Variants in PRR12 observed in about 807,000 individuals in gnomAD.
The protein encoded by PRR12 is proline-rich protein 12.
PRR12 carries 12 observed loss-of-function variants against 138.0 expected under a neutral mutation model. The ratio of observed to expected loss-of-function variants is 0.09; its 90% confidence interval spans 0.06 to 0.14. PRR12 has a LOEUF of 0.14. PRR12 is among the 10% of genes least tolerant of loss of function. The pLI is 1.00. For missense variants in PRR12, 2,692 were observed against 2,861.3 expected, an observed-to-expected ratio of 0.94 and a Z score of 1.35; for synonymous variants, 1,567 against 1,291.7, an observed-to-expected ratio of 1.21 and a Z score of -4.57.
rs2080772747 is a variant in PRR12 at position 49,596,760 on chromosome 19, G to T, written c.2425G>T (p.Ala809Ser). 2 of 1,603,000 alleles carry T rather than the reference G, an allele frequency of 1.2e-6. No homozygotes were observed. The highest frequency in any genetic ancestry group is 2.2e-5 in the East Asian group (1 of 44,790). The change falls in exon 4 of 14, where the codon GCC becomes TCC. Residue 809 changes from alanine (A) to serine (S), a missense_variant. Ala to Ser is a moderately conservative substitution (Grantham distance 99, BLOSUM62 1). Around this residue, in one of 11 missense-constraint regions of PRR12, gnomAD observed 840 missense variants for 689.8 expected, o/e 1.22. Transcript: ENST00000418929. This position sits in a 1 kb window ranked among gnomAD's most constrained non-coding sequence, Gnocchi z 5.6. Reference sequence around the variant, plus strand: ...GCTGCTCCCCTCGGTCCTCAGCCATGCCCCCAGTCCCTCTCCCAGCGCCTC... The same window carrying T: ...GCTGCTCCCCTCGGTCCTCAGCCATTCCCCCAGTCCCTCTCCCAGCGCCTC... ...PQLLPSVLSH[A>S]PSPSPSASKV...
intron 6 of PRR12, among the ~76,000 whole-genome samples, chr19:49,608,943 C>T (rs1176039156): frequency 6.6e-6 from 1 of 152,156 alleles, no homozygotes; most frequent in Admixed American, 6.6e-5. Flanking sequence ...ATTCTCCTTC[C>T]CCCGTCTGTC....
At chr19:49,608,409 C>T (rs1194281473) in intron 6 of PRR12, among the ~76,000 whole-genome samples, 10 of 152,042 alleles carry the variant, frequency 6.6e-5, no homozygotes, top group Admixed American at 6.6e-4. Context: ...ATGACGCGAT[C>T]TCTGCTCACT....
intron 11 of PRR12, among the ~76,000 whole-genome samples, chr19:49,624,612 T>A (rs1007596024): frequency 6.6e-6 from 1 of 151,584 alleles, no homozygotes; most frequent in African/African-American, 2.4e-5. Context: ...AGGATGGGGC[T>A]GGGAATTCTG....
Position 49,601,524 on chromosome 19 carries a change from C to A in PRR12, c.4379C>A (p.Thr1460Asn). 6.5e-7 allele frequency: 1 copy of A among 1,534,550 alleles called. No homozygotes were observed. Among genetic ancestry groups the A allele is most frequent in the Non-Finnish European group, 8.8e-7 (1 of 1,134,678 alleles). Residue 1460 changes from threonine to asparagine, a missense_variant, in exon 6 of 14, where the codon ACT (threonine) becomes AAT (asparagine). By Grantham distance (65) the Thr-to-Asn change is moderately conservative. Around this residue, in one of 11 missense-constraint regions of PRR12, gnomAD observed 231 missense variants for 200.8 expected, o/e 1.15. Coordinates refer to ENST00000418929, the MANE Select transcript of PRR12 (RefSeq NM_020719.3). ...CTGCTGGAGGAGAAACCCCCACCCACTCCACCTCCTGCCCCGACTCCTCAG... is the reference window on the plus strand; with the variant it reads ...CTGCTGGAGGAGAAACCCCCACCCAATCCACCTCCTGCCCCGACTCCTCAG... Reference protein sequence around the residue: ...PPLLEEKPPPTPPPAPTPQPQ... With the variant: ...PPLLEEKPPPNPPPAPTPQPQ...
chr19:49,621,020 T>TG (rs1385678188), intron 10 of PRR12, among the ~76,000 whole-genome samples: 29 of 40,900 alleles, frequency 7.1e-4, no homozygotes, highest in East Asian at 1.4e-3. Flanking sequence ...GAGGAGGGGC[T>TG]GGGGTCTGGA....
Position 49,619,535 on chromosome 19 carries a change from CTTTTTTTT to C in PRR12, c.5498-801_5498-794del, listed in dbSNP as rs760207958. On this transcript the variant is annotated intron_variant, in intron 9 of 13. Transcript: ENST00000418929. ...CAGGTGTGAGCCACCATGCCCAGCCCTTTTTTTTTTTTTTTTTTTTTTTGAGACGGAGT... is the reference window on the plus strand; with the variant it reads ...CAGGTGTGAGCCACCATGCCCAGCCCTTTTTTTTTTTTTTTGAGACGGAGT... Among the ~76,000 whole-genome samples, 5 of 67,148 alleles carry C rather than the reference CTTTTTTTT, an allele frequency of 7.4e-5. No homozygotes were observed. The East Asian group carries it at 1.9e-3, about 25-fold the overall frequency. The allele number at this position is 67,148 out of a possible 152,430, so 44.1% of individuals were successfully genotyped here.
rs943176955 is a variant in PRR12, at chr19:49,595,888, C to T, written c.1553C>T (p.Ala518Val). ...CAGGGCGAGCCATACCCAGGGCCAG[C>T]CGCCCACTCCCAGGGGCTGCCCACA... ...GVQGEPYPGPAAHSQGLPTAS... is the reference protein window; with the variant it reads ...GVQGEPYPGPVAHSQGLPTAS... Residue 518 changes from alanine to valine, a missense_variant, in exon 4 of 14, where the codon GCC becomes GTC. Physicochemically the swap from Ala to Val is moderately conservative, Grantham distance 64. Transcript: ENST00000418929. 1.2e-6 allele frequency: 2 copies of T among 1,603,192 alleles called. No homozygotes were observed. Among genetic ancestry groups the T allele is most frequent in the Non-Finnish European group, 1.7e-6 (2 of 1,179,484 alleles).
At chr19:49,609,214 C>G (rs904283317) in intron 6 of PRR12, among the ~76,000 whole-genome samples, 1 of 152,162 alleles carries the variant, frequency 6.6e-6, no homozygotes, top group Non-Finnish European at 1.5e-5. Flanking sequence ...ACCCTAGAGG[C>G]TGATCACCGG....
rs561812797 is a variant in PRR12, at chr19:49,597,378, C to A, written c.3043C>A (p.Pro1015Thr). ...GGGCCTGGGCCTGGACCCCAACAAA[C>A]CGCCTGAACTGCCCTCCACGGTCAA... ...TPGLGLDPNK[P>T]PELPSTVNAE... Residue 1015 changes from proline (P) to threonine (T), a missense_variant, in exon 4 of 14, where the codon CCG becomes ACG. Physicochemically the swap from Pro to Thr is conservative, Grantham distance 38. Coordinates refer to ENST00000418929, the MANE Select transcript of PRR12 (RefSeq NM_020719.3). This position sits in a 1 kb window ranked among gnomAD's most constrained non-coding sequence, Gnocchi z 6.3. 3 of 1,538,056 alleles carry A rather than the reference C, an allele frequency of 2.0e-6. No individual in the cohort carries two copies. Among genetic ancestry groups the A allele is most frequent in the East Asian group, 4.9e-5 (2 of 40,882 alleles).
Position 49,594,734 on chromosome 19 carries a change from G to T in PRR12, c.399G>T (p.Ser133=). 6.2e-7 allele frequency: 1 copy of T among 1,613,176 alleles called. No homozygotes were observed. The highest frequency in any genetic ancestry group is 1.1e-5 in the South Asian group (1 of 91,058). The change falls in exon 4 of 14, where the codon TCG becomes TCT. Residue 133 remains serine (S), a synonymous_variant. Transcript: ENST00000418929. The surrounding 1 kb of genome is among the most constrained non-coding windows in gnomAD (Gnocchi z 5.6). ...CAGGCCCCACGGAGCTCTTCATCTC[G>T]GGTGCCCTGCCGGGTTCCAGCACCT... ...HTPGPTELFI[S]GALPGSSTFP...
intron 4 of PRR12, among the ~76,000 whole-genome samples, chr19:49,598,409 G>A (rs1376058085): frequency 6.6e-6 from 1 of 152,080 alleles, no homozygotes; most frequent in Non-Finnish European, 1.5e-5. Flanking sequence ...CAGGTTTATG[G>A]CCGCACCTTG....
chr19:49,619,268 T>C (rs1245651779), intron 9 of PRR12, among the ~76,000 whole-genome samples: 1 of 144,568 alleles, frequency 6.9e-6, no homozygotes, highest in Non-Finnish European at 1.5e-5. Context: ...CTTGCTCTCG[T>C]TGCCCAGGCT....
chr19:49,597,452 A>ACCACCC lies in PRR12; in HGVS notation c.3120_3125dup (p.Pro1048_Pro1049dup). ...AGAGTGGCCCCCACCAGGCGGCGCC[A>ACCACCC]CCACCCCCGCCTCCGCCACCGCCGC... is the stretch of plus-strand genomic sequence containing the variant. On this transcript the variant is annotated inframe_insertion, in exon 4 of 14. Transcript: ENST00000418929. The surrounding 1 kb of genome is among the most constrained non-coding windows in gnomAD (Gnocchi z 6.3). 1 of 1,538,914 alleles carries ACCACCC rather than the reference A, an allele frequency of 6.5e-7. No homozygotes were observed. The highest frequency in any genetic ancestry group is 8.7e-7 in the Non-Finnish European group (1 of 1,145,394).
intron 11 of PRR12, among the ~76,000 whole-genome samples, 188 bp from the exon 12 acceptor site, chr19:49,624,656 C>T (rs1201501120): frequency 6.6e-6 from 1 of 151,738 alleles, no homozygotes; most frequent in East Asian, 1.9e-4. Context: ...AGAATCTGAG[C>T]CAGGCCAGAA....
intron 6 of PRR12, among the ~76,000 whole-genome samples, chr19:49,603,309 C>T (rs1261592048): frequency 2.0e-5 from 3 of 152,240 alleles, no homozygotes; most frequent in Non-Finnish European, 4.4e-5. Flanking sequence ...GTGGCATGGA[C>T]GCCAAGGCCA....
intron 6 of PRR12, among the ~76,000 whole-genome samples, chr19:49,607,407 A>G (rs1472365125): frequency 6.6e-6 from 1 of 151,502 alleles, no homozygotes; most frequent in African/African-American, 2.4e-5. Context: ...ATTAATAAAA[A>G]CTATTAATGA....
rs563569877 is a variant in PRR12, at chr19:49,619,655, C to A, written c.5498-697C>A. ...CTCCCAGGTTCAAGGGATTCTCCTGCCTCAGCCTCCCGAGTGGCTGGGATT... is the reference window on the plus strand; with the variant it reads ...CTCCCAGGTTCAAGGGATTCTCCTGACTCAGCCTCCCGAGTGGCTGGGATT... On this transcript the variant is annotated intron_variant, in intron 9 of 13. Transcript: ENST00000418929. Among the ~76,000 whole-genome samples the A allele has an allele frequency of 1.1e-4, 16 of 149,466 alleles. No individual in the cohort carries two copies. In the East Asian group the frequency reaches 3.1e-3, roughly 29 times the overall value.
rs556447535 is a variant in PRR12 at position 49,595,677 on chromosome 19, C to T, written c.1342C>T (p.Pro448Ser). 7.5e-6 allele frequency: 12 copies of T among 1,596,228 alleles called. 1 individual carries two copies. In the Admixed American group the frequency reaches 1.2e-4, roughly 16 times the overall value. The change falls in exon 4 of 14, where the codon CCT becomes TCT. Residue 448 changes from proline to serine, a missense_variant. Coordinates refer to ENST00000418929, the MANE Select transcript of PRR12 (RefSeq NM_020719.3). ...GGGCCAGGCTTATTCCCCCGGTCAGCCTCAAGGGCTTCTGGGACCCCAGGC... is the reference window on the plus strand; with the variant it reads ...GGGCCAGGCTTATTCCCCCGGTCAGTCTCAAGGGCTTCTGGGACCCCAGGC... Reference protein sequence around the residue: ...AGGQAYSPGQPQGLLGPQAYG... With the variant: ...AGGQAYSPGQSQGLLGPQAYG...
chr19:49,598,221 C>T (rs1375694106), intron 4 of PRR12, among the ~76,000 whole-genome samples: 1 of 152,084 alleles, frequency 6.6e-6, no homozygotes, highest in African/African-American at 2.4e-5. Context: ...CTACAGTTGC[C>T]CGCCACCACG....
Sources: gnomAD v4.1 joint callset for allele counts (sites outside exome capture counted in the v4.1 genomes callset) on GRCh38, gnomAD v4.1.1 for gene constraint, gnomAD v4.1.1 regional missense constraint, Gnocchi (gnomAD v3.1) non-coding constraint, MANE v1.5 for transcripts, NCBI Gene and HGNC (gene_info 2026-07-23, HGNC 2026-07-21) for gene names.